CDH20: variants seen among roughly 807,000 people sequenced by gnomAD.
CDH20 encodes cadherin 20.
A neutral mutation model predicts 74.2 loss-of-function variants in CDH20; 29 were observed. That is an observed-to-expected ratio of 0.39 (90% CI 0.29 to 0.53). The LOEUF (loss-of-function observed/expected upper bound fraction) is 0.53, where lower values mean the gene tolerates loss of function less well. CDH20 is among the 20% of genes least tolerant of loss of function. CDH20 has a pLI of 0.69. For missense variants in CDH20, 988 were observed against 1,048.3 expected (o/e 0.94, Z 0.79); for synonymous variants, 469 against 405.4 (o/e 1.16, Z -1.88).
chr18:61,357,319 C>G (rs9965819), intron 1 of CDH20, among the ~76,000 whole-genome samples: 2 of 152,110 alleles, frequency 1.3e-5, no homozygotes, highest in African/African-American at 4.8e-5. Context: ...ATCAGAAACC[C>G]ATCTATAATG....
intron 1 of CDH20, among the ~76,000 whole-genome samples, chr18:61,458,755 T>A (rs1909667249): frequency 6.6e-6 from 1 of 152,222 alleles, no homozygotes; most frequent in African/African-American, 2.4e-5. Context: ...TGAAGGCAAA[T>A]TAGCCCAGGA....
intron 10 of CDH20, among the ~76,000 whole-genome samples, chr18:61,547,334 A>G (rs757717039): frequency 2.0e-4 from 31 of 152,132 alleles, no homozygotes; most frequent in Admixed American, 2.0e-4. Context: ...TCTCTAAAAA[A>G]AGCCACCACA....
intron 1 of CDH20, chr18:61,405,052 A>AGTT: frequency 1.5e-6 from 1 of 684,046 alleles, no homozygotes; most frequent in Non-Finnish European, 2.7e-6. Context: ...AAAGTTGGAC[A>AGTT]GTTGTTACAG....
At chr18:61,354,123 C>T (rs957537936) in intron 1 of CDH20, among the ~76,000 whole-genome samples, 1 of 152,082 alleles carries the variant, frequency 6.6e-6, no homozygotes, top group African/African-American at 2.4e-5. Flanking sequence ...TTCCAGGGCA[C>T]AGCAGCCATT....
At chr18:61,548,800 A>T (rs1913337681) in intron 10 of CDH20, among the ~76,000 whole-genome samples, 1 of 152,254 alleles carries the variant, frequency 6.6e-6, no homozygotes, top group Non-Finnish European at 1.5e-5. Context: ...TTCTGCCTAG[A>T]AGTAACACAA....
chr18:61,390,642 A>G (rs1338413015), intron 1 of CDH20, among the ~76,000 whole-genome samples: 1 of 152,216 alleles, frequency 6.6e-6, no homozygotes, highest in East Asian at 1.9e-4. Context: ...TGAGAGATCA[A>G]AAACAGAATA....
At position 61,520,315 on chromosome 18, in the gene CDH20, CAAAAAAAA is replaced by C. The variant is rs58685164; in HGVS notation, c.1018-7641_1018-7634del. Reference sequence around the variant, plus strand: ...TGAGTGGCAGAGCGAGACTCCGTCTCAAAAAAAAAAAAAAAAAAGACAAAGAAGGGCAT... The same window carrying C: ...TGAGTGGCAGAGCGAGACTCCGTCTCAAAAAAAAAAGACAAAGAAGGGCAT... On this transcript the variant is annotated intron_variant, in intron 6 of 11. Transcript: ENST00000262717. Among the ~76,000 whole-genome samples the C allele has an allele frequency of 1.2e-4, 15 of 122,040 alleles. No homozygotes were observed. The East Asian group carries it at 1.3e-3, about 11-fold the overall frequency. The allele number at this position is 122,040 out of a possible 152,430, so 80.1% of individuals were successfully genotyped here.
At chr18:61,437,890 C>T (rs954149018) in intron 1 of CDH20, among the ~76,000 whole-genome samples, 1 of 152,104 alleles carries the variant, frequency 6.6e-6, no homozygotes, top group Non-Finnish European at 1.5e-5. Flanking sequence ...TATGTTTTCA[C>T]GTTGGGTTAA....
At chr18:61,474,140 G>A (rs1341577588) in intron 1 of CDH20, among the ~76,000 whole-genome samples, 2 of 152,100 alleles carry the variant, frequency 1.3e-5, no homozygotes, top group Non-Finnish European at 2.9e-5. Context: ...GCAGTCTCTT[G>A]TCCCTATCAT....
Position 61,554,333 on chromosome 18 carries a change from G to A in CDH20, c.2044G>A (p.Ala682Thr). 6.2e-7 allele frequency: 1 copy of A among 1,613,688 alleles called. No individual in the cohort carries two copies. Among genetic ancestry groups the A allele is most frequent in the Non-Finnish European group, 8.5e-7 (1 of 1,179,956 alleles). The change falls in exon 12 of 12, where the codon GCC becomes ACC. Residue 682 changes from alanine (A) to threonine (T), a missense_variant. By Grantham distance (58) the Ala-to-Thr change is moderately conservative. This residue lies in a region of CDH20 where 375 missense variants were observed against 293.1 expected (regional missense o/e 1.28). Transcript: ENST00000262717. Reference protein sequence around the residue: ...EEDTEAFDIAAMWNPREAQAG... With the variant: ...EEDTEAFDIATMWNPREAQAG... ...GGACACCGAGGCCTTCGACATCGCGGCCATGTGGAACCCCCGGGAGGCGCA... is the reference window on the plus strand; with the variant it reads ...GGACACCGAGGCCTTCGACATCGCGACCATGTGGAACCCCCGGGAGGCGCA...
At chr18:61,511,645 G>A (rs998757393) in intron 6 of CDH20, among the ~76,000 whole-genome samples, 6 of 152,060 alleles carry the variant, frequency 3.9e-5, no homozygotes, top group African/African-American at 1.5e-4. Flanking sequence ...TCACAATATA[G>A]TTTAGACTGT....
intron 1 of CDH20, among the ~76,000 whole-genome samples, chr18:61,459,705 A>T (rs1015106913): frequency 1.3e-5 from 2 of 152,152 alleles, no homozygotes; most frequent in African/African-American, 4.8e-5. Flanking sequence ...CACGACCCTC[A>T]GAGGATTCCT....
intron 1 of CDH20, among the ~76,000 whole-genome samples, chr18:61,350,858 A>C (rs930208360): frequency 1.3e-5 from 2 of 152,180 alleles, no homozygotes; most frequent in African/African-American, 4.8e-5. Context: ...AGGATCTTTC[A>C]GTGTTTCACA....
At chr18:61,463,354 C>T (rs566104302) in intron 1 of CDH20, among the ~76,000 whole-genome samples, 30 of 152,230 alleles carry the variant, frequency 2.0e-4, no homozygotes, top group African/African-American at 6.3e-4. Context: ...CCTTGGTGGT[C>T]TGTGTGAATC....
At chr18:61,439,669 GA>G (rs1908961233) in intron 1 of CDH20, among the ~76,000 whole-genome samples, 1 of 152,050 alleles carries the variant, frequency 6.6e-6, no homozygotes, top group Admixed American at 6.6e-5. Flanking sequence ...TAGCACATAT[GA>G]CTTTTTCTGG....
chr18:61,384,833 A>G (rs1437664126), intron 1 of CDH20, among the ~76,000 whole-genome samples: 5 of 152,240 alleles, frequency 3.3e-5, no homozygotes, highest in African/African-American at 1.2e-4. Context: ...CATCAATACA[A>G]GAATATCTAT....
intron 1 of CDH20, among the ~76,000 whole-genome samples, chr18:61,451,073 T>C (rs1909370011): frequency 6.6e-6 from 1 of 152,084 alleles, no homozygotes; most frequent in Non-Finnish European, 1.5e-5. Flanking sequence ...TATTTTGATA[T>C]ATATTGCTAA....
At chr18:61,476,433 A>G (rs1481620959) in intron 1 of CDH20, among the ~76,000 whole-genome samples, 2 of 152,210 alleles carry the variant, frequency 1.3e-5, no homozygotes, top group Admixed American at 6.5e-5. Context: ...TCACGTAGCC[A>G]AGATATATCC....
chr18:61,345,136 C>T (rs1308194338), intron 1 of CDH20, among the ~76,000 whole-genome samples: 1 of 152,190 alleles, frequency 6.6e-6, no homozygotes, highest in Non-Finnish European at 1.5e-5. Flanking sequence ...GCCCACCAAT[C>T]CGGACAATAT....
Sources: allele counts gnomAD v4.1 joint callset (sites outside exome capture counted in the v4.1 genomes callset), GRCh38; gene constraint gnomAD v4.1.1; regional missense constraint gnomAD v4.1.1; transcripts MANE v1.5; gene names NCBI Gene and HGNC (gene_info 2026-07-23, HGNC 2026-07-21).